Variants in NAV2 observed in about 807,000 individuals in gnomAD.
NAV2 encodes the protein helicase, APC down-regulated 1.
A neutral mutation model predicts 223.2 loss-of-function variants in NAV2; 54 were observed. The ratio of observed to expected loss-of-function variants is 0.24; its 90% CI spans 0.19 to 0.30. The LOEUF is 0.30. Among genes scored for constraint, NAV2 ranks in the 10% least tolerant of loss-of-function variants. NAV2 has a pLI of 1.00. For synonymous variants in NAV2, 1,279 were observed against 1,239.3 expected (o/e 1.03, Z -0.67); for missense variants, 2,806 against 3,147.5 (o/e 0.89, Z 2.60).
chr11:19,844,466 A>G (rs2152952489), intron 3 of NAV2, among the ~76,000 whole-genome samples: 1 of 152,320 alleles, frequency 6.6e-6, no homozygotes, highest in South Asian at 2.1e-4. Context: ...GAGTAGCCCT[A>G]ATCTGAAATA....
At chr11:19,794,609 T>G (rs1415634319) in intron 1 of NAV2, among the ~76,000 whole-genome samples, 2 of 152,226 alleles carry the variant, frequency 1.3e-5, no homozygotes, top group African/African-American at 4.8e-5. Flanking sequence ...CCACAGAGAA[T>G]GTGGCTTCAT....
intron 28 of NAV2, among the ~76,000 whole-genome samples, chr11:20,092,686 T>C (rs1699797776): frequency 6.6e-6 from 1 of 152,222 alleles, no homozygotes; most frequent in African/African-American, 2.4e-5. Context: ...AACCCCATAG[T>C]AGCAGGTCTC....
At chr11:19,888,270 T>C (rs1459541661) in intron 5 of NAV2, among the ~76,000 whole-genome samples, 1 of 152,194 alleles carries the variant, frequency 6.6e-6, no homozygotes, top group Non-Finnish European at 1.5e-5. Flanking sequence ...ATTGGGACTT[T>C]CTGGTGCTGT....
chr11:19,712,844 C>T lies in NAV2; in HGVS notation c.-852C>T, dbSNP rs902880091. 1.3e-5 allele frequency among the ~76,000 whole-genome samples: 2 copies of T among 151,270 alleles called. No individual in the cohort carries two copies. The highest frequency in any genetic ancestry group is 2.9e-5 in the Non-Finnish European group (2 of 67,820). ...CAGCGCCGGCAGCAGCCTGTCCTCCCCTGCGCTGAGCCCCGCAGCCAGCGC... is the reference window on the plus strand; with the variant it reads ...CAGCGCCGGCAGCAGCCTGTCCTCCTCTGCGCTGAGCCCCGCAGCCAGCGC... On this transcript the variant is annotated 5_prime_UTR_variant, in exon 1 of 38. Coordinates refer to ENST00000349880, the MANE Select transcript of NAV2 (RefSeq NM_145117.5).
chr11:19,895,721 T>G (rs2041921585), intron 6 of NAV2, among the ~76,000 whole-genome samples: 1 of 151,524 alleles, frequency 6.6e-6, no homozygotes, highest in Admixed American at 6.6e-5. Context: ...CTGTCCCAGG[T>G]TTTTTTTTAT....
At chr11:19,568,878 A>C (rs76869767) in intron 1 of NAV2, among the ~76,000 whole-genome samples, 4,997 of 152,284 alleles carry the variant, frequency 0.033, 279 homozygotes, top group African/African-American at 0.11. Flanking sequence ...AAAGTCATTA[A>C]CTTACATTTC....
At chr11:20,047,770 A>T (rs752573181) in intron 14 of NAV2, among the ~76,000 whole-genome samples, 1 of 152,212 alleles carries the variant, frequency 6.6e-6, no homozygotes, top group Non-Finnish European at 1.5e-5. Context: ...GAGGGCAGAG[A>T]TCAAACTGTC....
chr11:20,107,922 C>T lies in NAV2; in HGVS notation c.6960+140C>T, dbSNP rs1272316154. On this transcript the variant is annotated intron_variant, in intron 36 of 37. Coordinates refer to ENST00000349880, the MANE Select transcript of NAV2 (RefSeq NM_145117.5). ...TCACCTGGGAGTTCATCAGTGTAGT[C>T]CAGTGTAGGGACACACCTGGCTGCA... is the stretch of plus-strand genomic sequence containing the variant. The T allele has an allele frequency of 5.9e-6, 4 of 679,240 alleles. No individual in the cohort carries two copies. The Admixed American group carries it at 9.2e-5, about 16-fold the overall frequency. The allele number at this position is 679,240 out of a possible 1,614,324, so 42.1% of individuals were successfully genotyped here. A position where few individuals can be genotyped will look rare whatever the true frequency, so the allele number is the denominator to read the frequency against.
At chr11:20,052,506 G>A (rs1369931385) in intron 17 of NAV2, among the ~76,000 whole-genome samples, 1 of 152,200 alleles carries the variant, frequency 6.6e-6, no homozygotes, top group Non-Finnish European at 1.5e-5. Flanking sequence ...CACTCTCACT[G>A]TGAGTTTGAC....
chr11:19,642,704 C>A (rs1268900715), intron 1 of NAV2, among the ~76,000 whole-genome samples: 2 of 152,072 alleles, frequency 1.3e-5, no homozygotes, highest in Non-Finnish European at 2.9e-5. Flanking sequence ...AATAGTTTAG[C>A]TCAGCCAAGC....
intron 1 of NAV2, among the ~76,000 whole-genome samples, chr11:19,737,819 A>G (rs1014870114): frequency 1.3e-5 from 2 of 152,250 alleles, no homozygotes; most frequent in Non-Finnish European, 2.9e-5. Context: ...AGCAGATCCA[A>G]CGCAGCTGAT....
chr11:19,544,216 AAGG>A (rs1368963455), intron 1 of NAV2, among the ~76,000 whole-genome samples: 1 of 152,214 alleles, frequency 6.6e-6, no homozygotes, highest in Non-Finnish European at 1.5e-5. Context: ...CGAGTGATTG[AAGG>A]AGAATGAGAA....
chr11:19,639,661 A>G (rs1210576379), intron 1 of NAV2, among the ~76,000 whole-genome samples: 4 of 152,162 alleles, frequency 2.6e-5, no homozygotes, highest in Non-Finnish European at 5.9e-5. Flanking sequence ...TAGGGCTGTG[A>G]GTGGTCATCT....
intron 10 of NAV2, among the ~76,000 whole-genome samples, chr11:19,952,314 G>A (rs189160122): frequency 2.6e-5 from 4 of 152,340 alleles, no homozygotes; most frequent in Non-Finnish European, 5.9e-5. Context: ...CCAGCTCTGT[G>A]ACGTTAGGCA....
chr11:19,581,343 T>C (rs1195892572), intron 1 of NAV2, among the ~76,000 whole-genome samples: 2 of 152,204 alleles, frequency 1.3e-5, no homozygotes, highest in Non-Finnish European at 2.9e-5. Flanking sequence ...GAATCTCCTT[T>C]AATTTCTTTT....
At chr11:19,497,405 T>C (rs1284210894) in intron 1 of NAV2, among the ~76,000 whole-genome samples, 1 of 152,184 alleles carries the variant, frequency 6.6e-6, no homozygotes, top group African/African-American at 2.4e-5. Context: ...TTGACAGAGA[T>C]AGAAGATGCC....
intron 6 of NAV2, among the ~76,000 whole-genome samples, chr11:19,907,527 G>GA (rs11423713): frequency 8.4e-5 from 2 of 23,848 alleles, no homozygotes; most frequent in Non-Finnish European, 2.9e-4. Flanking sequence ...CCACTCATAG[G>GA]GGGAGGGGGA....
At chr11:19,967,053 G>A (rs538673251) in intron 10 of NAV2, among the ~76,000 whole-genome samples, 10 of 152,214 alleles carry the variant, frequency 6.6e-5, no homozygotes, top group South Asian at 2.1e-4. Context: ...TTGAATTCTC[G>A]TAGAAATCCT....
intron 1 of NAV2, among the ~76,000 whole-genome samples, chr11:19,412,527 T>C (rs1277572678): frequency 2.6e-5 from 4 of 151,836 alleles, no homozygotes; most frequent in African/African-American, 7.3e-5. Flanking sequence ...CTGAAACGTC[T>C]CTCTGAAGAG....
Sources: allele counts gnomAD v4.1 joint callset (sites outside exome capture counted in the v4.1 genomes callset), GRCh38; gene constraint gnomAD v4.1.1; transcripts MANE v1.5; gene names NCBI Gene and HGNC (gene_info 2026-07-23, HGNC 2026-07-21).